The following ERMN variants were observed in gnomAD, a reference collection of about 807,000 sequenced individuals.
The protein encoded by ERMN is ermin, ERM-like protein.
In ERMN, 17 loss-of-function variants were observed where a neutral mutation model predicts 21.4. That is an observed-to-expected ratio of 0.80 (90% confidence interval 0.54 to 1.19). ERMN has a LOEUF of 1.19. ERMN is among the 50% of genes most tolerant of loss of function. The pLI, the probability that ERMN is intolerant of heterozygous loss-of-function variation, is 0.00. For missense variants in ERMN, 348 were observed against 331.6 expected, an observed-to-expected ratio of 1.05 and a Z score of -0.38; for synonymous variants, 115 against 111.9, an observed-to-expected ratio of 1.03 and a Z score of -0.17.
In ERMN at chr2:157,325,383, GA is replaced by G. The variant is rs1198698663; in HGVS notation, c.241+18del. 6.2e-7 allele frequency: 1 copy of G among 1,610,942 alleles called. No homozygotes were observed. Among genetic ancestry groups the G allele is most frequent in the Admixed American group, 1.7e-5 (1 of 59,860 alleles). On this transcript the variant is annotated intron_variant, in intron 1 of 2. Transcript: ENST00000410096. ...TATAAGTCAAAACAAGAAAATTAAG[GA>G]GAAGGGAAACACTTTACCTTTTAGC...
At position 157,325,703 on chromosome 2, in the gene ERMN, T is replaced by C; in HGVS notation, c.-61A>G. 1 of 1,609,334 alleles carries C rather than the reference T, an allele frequency of 6.2e-7. No individual in the cohort carries two copies. The highest frequency in any genetic ancestry group is 2.2e-5 in the East Asian group (1 of 44,786). ...TAGGGAAACTGAGTGAGTAGATCCT[T>C]GATAAGATACCTGCTCTTGCCTTCA... On this transcript the variant is annotated 5_prime_UTR_variant, in exon 1 of 3. Transcript: ENST00000410096.
At chr2:157,326,958 G>A (rs1244560632), upstream of ERMN, among the ~76,000 whole-genome samples, 1 of 152,018 alleles carries the variant, frequency 6.6e-6, no homozygotes, top group Non-Finnish European at 1.5e-5. Context: ...GTTTCATCTG[G>A]CGAGGGGCCA....
intron 2 of ERMN, among the ~76,000 whole-genome samples, chr2:157,323,263 G>A (rs1415133895): frequency 6.6e-6 from 1 of 152,132 alleles, no homozygotes; most frequent in East Asian, 1.9e-4. Flanking sequence ...ATTTGAAAGG[G>A]GCTCTAGATG....
At position 157,324,740 on chromosome 2, in the gene ERMN, A is replaced by G; in HGVS notation, c.264T>C (p.Phe88=). Residue 88 remains phenylalanine, a synonymous_variant, in exon 2 of 3, where the codon TTT becomes TTC. Coordinates refer to ENST00000410096, the MANE Select transcript of ERMN (RefSeq NM_020711.3). ...MLKENPEEKL[F]IVHKAITDLS... ...GATCTGTGATAGCCTTATGAACAATAAAGAGTTTCTCTTCTGGGTTTTCTA... is the reference window on the plus strand; with the variant it reads ...GATCTGTGATAGCCTTATGAACAATGAAGAGTTTCTCTTCTGGGTTTTCTA... The G allele has an allele frequency of 2.5e-6, 4 of 1,611,492 alleles. No homozygotes were observed. Among genetic ancestry groups the G allele is most frequent in the Non-Finnish European group, 3.4e-6 (4 of 1,179,014 alleles).
In ERMN at chr2:157,321,212, G is replaced by T. The variant is rs1683882801; in HGVS notation, c.*59C>A. 3 of 1,557,862 alleles carry T rather than the reference G, an allele frequency of 1.9e-6. No homozygotes were observed. Among genetic ancestry groups the T allele is most frequent in the Non-Finnish European group, 1.7e-6 (2 of 1,157,124 alleles). ...AATAAGGCATAGAAATATGCACCCT[G>T]GGGCAATAGAATTAGCTTTTCCTTT... On this transcript the variant is annotated 3_prime_UTR_variant, in exon 3 of 3. Transcript: ENST00000410096.
In ERMN at chr2:157,320,796, G is replaced by T. The variant is rs990496652; in HGVS notation, c.*475C>A. 1 of 154,104 alleles carries T rather than the reference G, an allele frequency of 6.5e-6. No homozygotes were observed. Among genetic ancestry groups the T allele is most frequent in the Non-Finnish European group, 1.4e-5 (1 of 69,376 alleles). 9.5% of individuals were successfully genotyped at this position (154,104 alleles called of 1,614,324 possible). A position where few individuals can be genotyped will look rare whatever the true frequency, so the allele number is the denominator to read the frequency against. On this transcript the variant is annotated 3_prime_UTR_variant, in exon 3 of 3. Coordinates refer to ENST00000410096, the MANE Select transcript of ERMN (RefSeq NM_020711.3). ...TAGAAAAGGCACAGAATTTTGGAAG[G>T]CTTATTGCCAGAGTCTGCAAAATCA...
rs1683915663 is a variant in ERMN at position 157,321,793 on chromosome 2, T to C, written c.335-2A>G. The C allele has an allele frequency of 3.1e-6, 5 of 1,596,574 alleles. No individual in the cohort carries two copies. The highest frequency in any genetic ancestry group is 4.3e-6 in the Non-Finnish European group (5 of 1,173,302). ...GAGGAATCTTCTCCCACTGATGCCC[T>C]GTAGCAAAATCAATTGGTAGATGAG... On this transcript the variant is annotated splice_acceptor_variant, in intron 2 of 2. Coordinates refer to ENST00000410096, the MANE Select transcript of ERMN (RefSeq NM_020711.3). LOFTEE classifies it high-confidence loss of function.
At chr2:157,325,877 C>T, upstream of ERMN, 4 of 1,399,204 alleles carry the variant, frequency 2.9e-6, no homozygotes, top group Non-Finnish European at 1.9e-6. Context: ...GAGCAAGAAT[C>T]CAGCCAATCA....
Position 157,325,383 on chromosome 2 carries a change from G to A in ERMN, c.241+19C>T. ...TATAAGTCAAAACAAGAAAATTAAG[G>A]AGAAGGGAAACACTTTACCTTTTAG... On this transcript the variant is annotated intron_variant, in intron 1 of 2. Coordinates refer to ENST00000410096, the MANE Select transcript of ERMN (RefSeq NM_020711.3). 6.2e-7 allele frequency: 1 copy of A among 1,610,942 alleles called. No individual in the cohort carries two copies. Among genetic ancestry groups the A allele is most frequent in the Non-Finnish European group, 8.5e-7 (1 of 1,177,658 alleles).
intron 1 of ERMN, 32 bp downstream of exon 1, chr2:157,325,370 C>T: frequency 1.2e-6 from 2 of 1,610,294 alleles, no homozygotes; most frequent in Non-Finnish European, 1.7e-6. Flanking sequence ...TAAGTCAAAA[C>T]AAGAAAATTA....
upstream of ERMN, chr2:157,327,478 A>C (rs776761142): frequency 7.7e-6 from 6 of 780,312 alleles, no homozygotes; most frequent in Non-Finnish European, 1.4e-5. Flanking sequence ...CTTACTCTTC[A>C]TAACAGTCTT....
In ERMN at chr2:157,325,824, T is replaced by G; in HGVS notation, c.-182A>C. ...TTCCTAAAAGTATCCAGACAGAGAT[T>G]AGAGCAAAAGCAAGAGGATTTGTCA... On this transcript the variant is annotated 5_prime_UTR_variant, in exon 1 of 3. Transcript: ENST00000410096. 2 of 1,446,366 alleles carry G rather than the reference T, an allele frequency of 1.4e-6. No individual in the cohort carries two copies. The highest frequency in any genetic ancestry group is 1.8e-6 in the Non-Finnish European group (2 of 1,103,496). The allele number at this position is 1,446,366 out of a possible 1,614,324, so 89.6% of individuals were successfully genotyped here.
In ERMN at chr2:157,321,639, G is replaced by C. The variant is rs1469712056; in HGVS notation, c.487C>G (p.Arg163Gly). 6.2e-7 allele frequency: 1 copy of C among 1,613,890 alleles called. No homozygotes were observed. The highest frequency in any genetic ancestry group is 8.5e-7 in the Non-Finnish European group (1 of 1,179,956). Residue 163 changes from arginine to glycine, a missense_variant, in exon 3 of 3, where the codon CGA becomes GGA. Transcript: ENST00000410096. ...AACATGTCAGCTTGGCTAGGTTTTC[G>C]AAATCCCAGCCATTCAATTTCAGCT... ...QAAEIEWLGFRKPSQADMLHS... is the reference protein window; with the variant it reads ...QAAEIEWLGFGKPSQADMLHS...
Position 157,325,796 on chromosome 2 carries a change from C to A in ERMN, c.-154G>T. The stretch of plus-strand genomic sequence containing the variant: ...CACTTTAGTACATAATAACAAGGTT[C>A]TTTTCCTAAAAGTATCCAGACAGAG... On this transcript the variant is annotated 5_prime_UTR_variant, in exon 1 of 3. Transcript: ENST00000410096. 3.3e-6 allele frequency: 5 copies of A among 1,496,294 alleles called. No individual in the cohort carries two copies. The South Asian group carries it at 6.8e-5, about 20-fold the overall frequency. The allele number at this position is 1,496,294 out of a possible 1,614,324, so 92.7% of individuals were successfully genotyped here.
chr2:157,326,032 A>C (rs1684061152), upstream of ERMN: 1 of 803,132 alleles, frequency 1.2e-6, no homozygotes, highest in Admixed American at 4.9e-5. Flanking sequence ...CTGGGAACAG[A>C]GATTTTTGTC....
chr2:157,325,527 G>A lies in ERMN; in HGVS notation c.116C>T (p.Pro39Leu). The change falls in exon 1 of 3, where the codon CCC (proline) becomes CTC (leucine). Residue 39 changes from proline to leucine, a missense_variant. By Grantham distance (98) the Pro-to-Leu change is moderately conservative (BLOSUM62 -3). Transcript: ENST00000410096. ...GGGTTCTACCCTGTAGTGTGGCAGGGGGCTGTCCACATCAGTCAATTCCTC... is the reference window on the plus strand; with the variant it reads ...GGGTTCTACCCTGTAGTGTGGCAGGAGGCTGTCCACATCAGTCAATTCCTC... ...ISEELTDVDS[P>L]LPHYRVEPSL... 6.2e-7 allele frequency: 1 copy of A among 1,614,120 alleles called. No individual in the cohort carries two copies. Among genetic ancestry groups the A allele is most frequent in the Non-Finnish European group, 8.5e-7 (1 of 1,180,022 alleles).
rs1478495859 is a variant in ERMN, at chr2:157,321,149, AG to A, written c.*121del. 4 of 1,390,330 alleles carry A rather than the reference AG, an allele frequency of 2.9e-6. No individual in the cohort carries two copies. Among genetic ancestry groups the A allele is most frequent in the Non-Finnish European group, 3.9e-6 (4 of 1,037,904 alleles). 86.1% of individuals were successfully genotyped at this position (1,390,330 alleles called of 1,614,324 possible). A position where few individuals can be genotyped will look rare whatever the true frequency, so the allele number is the denominator to read the frequency against. On this transcript the variant is annotated 3_prime_UTR_variant, in exon 3 of 3. Transcript: ENST00000410096. ...TTTCCACATTATTCTACAGTGAAAA[AG>A]AGAGTCAACTTCCACCTCCCTCCAA... is the stretch of plus-strand genomic sequence containing the variant.
chr2:157,327,489 C>T (rs1345782012), upstream of ERMN: 2 of 780,110 alleles, frequency 2.6e-6, no homozygotes, highest in Non-Finnish European at 4.8e-6. Context: ...TAACAGTCTT[C>T]TGAGGTAGGT....
At chr2:157,323,094 T>C (rs952315179) in intron 2 of ERMN, among the ~76,000 whole-genome samples, 1 of 152,194 alleles carries the variant, frequency 6.6e-6, no homozygotes, top group Non-Finnish European at 1.5e-5. Flanking sequence ...GCCTCTATTA[T>C]GGAGGAAAAA....
Sources: allele counts gnomAD v4.1 joint callset (sites outside exome capture counted in the v4.1 genomes callset), GRCh38; gene constraint gnomAD v4.1.1; transcripts MANE v1.5; gene names NCBI Gene and HGNC (gene_info 2026-07-23, HGNC 2026-07-21).